Variants in CFAP54 observed in about 807,000 individuals in gnomAD.
CFAP54 encodes cilia and flagella associated protein 54, also known as cilia- and flagella-associated protein 54.
CFAP54 carries 290 observed loss-of-function variants against 370.4 expected under a neutral mutation model. That is an observed-to-expected ratio of 0.78 (90% CI 0.71 to 0.86). The LOEUF (loss-of-function observed/expected upper bound fraction) is 0.86. Among genes scored for constraint, CFAP54 ranks in the 40% least tolerant of loss-of-function variants. The pLI, the probability that CFAP54 is intolerant of heterozygous loss-of-function variation, is 0.00. For missense variants in CFAP54, 3,399 were observed against 3,528.7 expected (o/e 0.96, Z 0.93); for synonymous variants, 1,206 against 1,236.5 (o/e 0.98, Z 0.52).
chr12:96,619,351 A>G (rs954610837), intron 26 of CFAP54, among the ~76,000 whole-genome samples: 2 of 152,260 alleles, frequency 1.3e-5, no homozygotes, highest in African/African-American at 2.4e-5. Context: ...GATATAAACA[A>G]TGTTGGATTT....
At chr12:96,753,695 A>G in intron 55 of CFAP54, 48 bp from the exon 56 acceptor site, 2 of 1,581,098 alleles carry the variant, frequency 1.3e-6, no homozygotes, top group East Asian at 4.5e-5. Context: ...CTTGTTATAA[A>G]CACCGTGTAT....
At chr12:96,685,321 C>A in intron 42 of CFAP54, 83 bp downstream of exon 42, 1 of 1,029,126 alleles carries the variant, frequency 9.7e-7, no homozygotes, top group Non-Finnish European at 1.4e-6. Flanking sequence ...AAGTGCTATG[C>A]CTCATGCACA....
intron 63 of CFAP54, among the ~76,000 whole-genome samples, chr12:96,804,312 T>C (rs1369038610): frequency 6.6e-6 from 1 of 152,176 alleles, no homozygotes; most frequent in Non-Finnish European, 1.5e-5. Flanking sequence ...GAGAAAACTA[T>C]TAAAGACATA....
chr12:96,678,966 C>G lies in CFAP54; in HGVS notation c.5564-634C>G, dbSNP rs896430833. On this transcript the variant is annotated intron_variant, in intron 39 of 67. Coordinates refer to ENST00000524981, the MANE Select transcript of CFAP54 (RefSeq NM_001306084.2). The stretch of plus-strand genomic sequence containing the variant: ...GTCCTGCAAACTGTGATTCCTCTCT[C>G]TTGGTCCTGCTTCATGATGTATGCA... 4.6e-5 allele frequency among the ~76,000 whole-genome samples: 7 copies of G among 152,302 alleles called. 1 individual carries two copies. In the South Asian group the frequency reaches 1.0e-3, roughly 23 times the overall value.
At position 96,533,985 on chromosome 12, in the gene CFAP54, A is replaced by G; in HGVS notation, c.1539+12A>G. 1 of 1,492,224 alleles carries G rather than the reference A, an allele frequency of 6.7e-7. No homozygotes were observed. The allele number at this position is 1,492,224 out of a possible 1,614,324, so 92.4% of individuals were successfully genotyped here. On this transcript the variant is annotated intron_variant, in intron 10 of 67. Coordinates refer to ENST00000524981, the MANE Select transcript of CFAP54 (RefSeq NM_001306084.2). Reference sequence around the variant, plus strand: ...TTTATTTTCTCCAGGTAATATATGCAAAATTATCCTCCTGGTTTTTTTTTT... The same window carrying G: ...TTTATTTTCTCCAGGTAATATATGCGAAATTATCCTCCTGGTTTTTTTTTT...
intron 65 of CFAP54, among the ~76,000 whole-genome samples, chr12:96,828,377 G>T (rs1053862936): frequency 6.6e-6 from 1 of 151,912 alleles, no homozygotes; most frequent in Admixed American, 6.6e-5. Flanking sequence ...TGCAGGTGGC[G>T]TGGGTTCTCA....
rs1445306164 is a variant in CFAP54 at position 96,657,990 on chromosome 12, G to A, written c.5209G>A (p.Val1737Met). ...TGAGCATCCTTTGGATGATGTAAAT[G>A]TGGTTGATTTGAAATGGATCCACGA... ...TFEHPLDDVN[V>M]VDLKWIHDFV... The change falls in exon 37 of 68, where the codon GTG becomes ATG. Residue 1737 changes from valine (V) to methionine (M), a missense_variant. By Grantham distance (21) the Val-to-Met change is conservative. Around this residue, in one of 3 missense-constraint regions of CFAP54, gnomAD observed 2,796 missense variants for 2,869.7 expected, o/e 0.97. Transcript: ENST00000524981. 9 of 1,613,702 alleles carry A rather than the reference G, an allele frequency of 5.6e-6. No individual in the cohort carries two copies. Among genetic ancestry groups the A allele is most frequent in the African/African-American group, 1.3e-5 (1 of 74,994 alleles).
intron 63 of CFAP54, among the ~76,000 whole-genome samples, chr12:96,800,483 C>A (rs1958809045): frequency 6.6e-6 from 1 of 152,106 alleles, no homozygotes; most frequent in South Asian, 2.1e-4. Context: ...TGACAATAAG[C>A]ATGTATGTAT....
chr12:96,536,399 C>A (rs1955503700), intron 12 of CFAP54, among the ~76,000 whole-genome samples: 1 of 152,076 alleles, frequency 6.6e-6, no homozygotes, highest in Admixed American at 6.5e-5. Context: ...TTAACTTTTG[C>A]CCAGGTAAGT....
rs1190569596 is a variant in CFAP54, at chr12:96,663,862, T to C, written c.5493T>C (p.Leu1831=). 1 of 1,613,292 alleles carries C rather than the reference T, an allele frequency of 6.2e-7. No homozygotes were observed. Among genetic ancestry groups the C allele is most frequent in the Admixed American group, 1.7e-5 (1 of 59,892 alleles). The change falls in exon 39 of 68, where the codon CTT becomes CTC. Residue 1831 remains leucine, a synonymous_variant. Coordinates refer to ENST00000524981, the MANE Select transcript of CFAP54 (RefSeq NM_001306084.2). ...GCCGAAATTTCATTGGGAAGCAGCT[T>C]AAGATTAATTCTTCAACCATTGAAG... is the stretch of plus-strand genomic sequence containing the variant. ...ITCRNFIGKQ[L]KINSSTIEAT... is the part of the protein sequence containing the mutation.
chr12:96,734,301 T>C (rs1052609836), intron 50 of CFAP54, among the ~76,000 whole-genome samples: 3 of 152,132 alleles, frequency 2.0e-5, no homozygotes, highest in Admixed American at 2.0e-4. Flanking sequence ...TAGCATGCAT[T>C]ATGTGCCTCT....
chr12:96,767,875 A>G (rs536816285), intron 60 of CFAP54, among the ~76,000 whole-genome samples: 210 of 152,352 alleles, frequency 1.4e-3, no homozygotes, highest in Middle Eastern at 0.014. Context: ...GTGATGAACA[A>G]CATTTACTGT....
chr12:96,495,078 C>T (rs1325322779), intron 1 of CFAP54, among the ~76,000 whole-genome samples: 1 of 152,118 alleles, frequency 6.6e-6, no homozygotes, highest in African/African-American at 2.4e-5. Context: ...ACTATGGAAA[C>T]TTCCATAAGC....
intron 56 of CFAP54, among the ~76,000 whole-genome samples, chr12:96,755,257 T>A (rs1425298540): frequency 1.3e-5 from 2 of 152,240 alleles, no homozygotes; most frequent in African/African-American, 4.8e-5. Flanking sequence ...TGGGGTATAG[T>A]GTGACGTTTT....
chr12:96,639,602 C>A (rs1956702058), intron 32 of CFAP54, among the ~76,000 whole-genome samples: 1 of 152,098 alleles, frequency 6.6e-6, no homozygotes, highest in Non-Finnish European at 1.5e-5. Flanking sequence ...ATCCTGATAC[C>A]AAAGCTTAGC....
chr12:96,766,432 G>A (rs187864968), intron 60 of CFAP54, among the ~76,000 whole-genome samples: 1 of 152,058 alleles, frequency 6.6e-6, no homozygotes, highest in Non-Finnish European at 1.5e-5. Context: ...AGGGCAGTTC[G>A]GCAGCCCAGC....
At chr12:96,650,257 G>GTCCAGTTGTCCAGTTGT (rs1956844379) in intron 35 of CFAP54, among the ~76,000 whole-genome samples, 185 bp downstream of exon 35, 1 of 152,188 alleles carries the variant, frequency 6.6e-6, no homozygotes, top group South Asian at 2.1e-4. Flanking sequence ...CTGAGGGCAT[G>GTCCAGTTGTCCAGTTGT]TGTTGTCCAG....
At chr12:96,789,882 C>G (rs867491559) in intron 62 of CFAP54, among the ~76,000 whole-genome samples, 67 of 152,222 alleles carry the variant, frequency 4.4e-4, no homozygotes, top group African/African-American at 1.6e-3. Context: ...GAGCATAAAG[C>G]CTTTCGGATT....
chr12:96,694,320 T>A (rs1197905913), intron 45 of CFAP54, among the ~76,000 whole-genome samples: 2 of 152,094 alleles, frequency 1.3e-5, no homozygotes, highest in East Asian at 3.8e-4. Context: ...CCACATGGAG[T>A]GGGAAGCACC....
Sources: gnomAD v4.1 joint callset for allele counts (sites outside exome capture counted in the v4.1 genomes callset) on GRCh38, gnomAD v4.1.1 for gene constraint, gnomAD v4.1.1 regional missense constraint, MANE v1.5 for transcripts, NCBI Gene and HGNC (gene_info 2026-07-23, HGNC 2026-07-21) for gene names.